The following SRP72 variants were observed in gnomAD, a reference collection of about 807,000 sequenced individuals.
SRP72 encodes the protein signal recognition particle subunit SRP72.
Under a neutral mutation model 96.3 loss-of-function variants are expected in SRP72, and 49 were observed. The ratio of observed to expected loss-of-function variants is 0.51; its 90% confidence interval spans 0.40 to 0.65. The LOEUF is 0.65. Among genes scored for constraint, SRP72 ranks in the 30% least tolerant of loss-of-function variants. The pLI, the probability that SRP72 is intolerant of heterozygous loss-of-function variation, is 0.00. For synonymous variants in SRP72, 267 were observed against 275.2 expected, an observed-to-expected ratio of 0.97 and a Z score of 0.30; for missense variants, 736 against 793.3, an observed-to-expected ratio of 0.93 and a Z score of 0.87.
intron 2 of SRP72, 137 bp from the exon 3 acceptor site, chr4:56,471,583 T>G: frequency 1.1e-6 from 1 of 925,810 alleles, no homozygotes; most frequent in African/African-American, 1.7e-5. Flanking sequence ...TATCTGATAT[T>G]TAGACAAGTC....
intron 16 of SRP72, among the ~76,000 whole-genome samples, chr4:56,492,537 TC>T (rs1306544541): frequency 6.6e-6 from 1 of 152,180 alleles, no homozygotes; most frequent in Admixed American, 6.5e-5. Context: ...TGCTACTTCC[TC>T]CTTTTTTGAA....
chr4:56,484,661 C>A, intron 9 of SRP72, 75 bp from the exon 10 acceptor site: 1 of 1,581,756 alleles, frequency 6.3e-7, no homozygotes, highest in Non-Finnish European at 8.6e-7. Context: ...TCCCATGTTT[C>A]TTTTCTTTCT....
intron 2 of SRP72, among the ~76,000 whole-genome samples, chr4:56,471,458 TTC>T (rs1365911594): frequency 2.0e-5 from 3 of 152,250 alleles, no homozygotes; most frequent in African/African-American, 7.2e-5. Flanking sequence ...AATGATTTCC[TTC>T]TTAAATGTTT....
intron 15 of SRP72, 82 bp from the exon 16 acceptor site, chr4:56,491,349 T>C (rs1720897645): frequency 1.3e-6 from 2 of 1,486,032 alleles, no homozygotes; most frequent in Non-Finnish European, 1.8e-6. Flanking sequence ...CCAGTGTCAA[T>C]AGATACATTG....
At chr4:56,474,511 A>T in intron 5 of SRP72, 120 bp downstream of exon 5, 1 of 849,456 alleles carries the variant, frequency 1.2e-6, no homozygotes, top group Admixed American at 2.9e-5. Flanking sequence ...TGCAGTGACA[A>T]TTTCTCCAAG....
At chr4:56,469,481 G>A (rs1299479243) in intron 1 of SRP72, among the ~76,000 whole-genome samples, 172 bp from the exon 2 acceptor site, 1 of 152,102 alleles carries the variant, frequency 6.6e-6, no homozygotes, top group African/African-American at 2.4e-5. Flanking sequence ...AAGATTAGTT[G>A]TTTTCTGGGT....
intron 3 of SRP72, 41 bp from the exon 4 acceptor site, chr4:56,474,013 C>A (rs567248151): frequency 6.3e-7 from 1 of 1,587,086 alleles, no homozygotes; most frequent in East Asian, 2.2e-5. Flanking sequence ...GACATAACAC[C>A]ATATTTGTCT....
chr4:56,469,867 T>C (rs1719897869), intron 2 of SRP72, 94 bp downstream of exon 2: 1 of 1,221,788 alleles, frequency 8.2e-7, no homozygotes, highest in Admixed American at 2.7e-5. Flanking sequence ...TTGCTGATTT[T>C]TTTTAACGTT....
At chr4:56,477,437 A>G (rs929831811) in intron 6 of SRP72, among the ~76,000 whole-genome samples, 1 of 150,420 alleles carries the variant, frequency 6.6e-6, no homozygotes, top group Non-Finnish European at 1.5e-5. Context: ...CCTGAGTAGC[A>G]CCACCATGCC....
chr4:56,489,667 G>A (rs1720839088), intron 13 of SRP72, among the ~76,000 whole-genome samples, 184 bp downstream of exon 13: 1 of 152,156 alleles, frequency 6.6e-6, no homozygotes, highest in African/African-American at 2.4e-5. Context: ...AATAAGCAAT[G>A]GCTGCAAAAT....
chr4:56,471,546 A>G (rs890919106), intron 2 of SRP72, among the ~76,000 whole-genome samples, 174 bp from the exon 3 acceptor site: 5 of 152,220 alleles, frequency 3.3e-5, no homozygotes, highest in African/African-American at 1.2e-4. Flanking sequence ...GCTTAATTAT[A>G]TGTTTGATTG....
At chr4:56,494,255 A>G (rs67721941) in intron 16 of SRP72, among the ~76,000 whole-genome samples, 17,427 of 152,188 alleles carry the variant, frequency 0.11, 1,262 homozygotes, top group Admixed American at 0.23. Flanking sequence ...GAGAACGTTC[A>G]CAATTGAATG....
At chr4:56,495,292 A>G (rs562741052) in intron 16 of SRP72, 65 bp from the exon 17 acceptor site, 4 of 1,123,984 alleles carry the variant, frequency 3.6e-6, no homozygotes, top group Non-Finnish European at 1.3e-6. Context: ...CTTATAGAGC[A>G]CTTACTTAAT....
rs576420032 is a variant in SRP72 at position 56,489,316 on chromosome 4, G to T, written c.1225-72G>T. The T allele has an allele frequency of 3.8e-6, 3 of 790,678 alleles. No homozygotes were observed. The African/African-American group carries it at 5.2e-5, about 14-fold the overall frequency. The allele number at this position is 790,678 out of a possible 1,614,324, so 49.0% of individuals were successfully genotyped here. A position where few individuals can be genotyped will look rare whatever the true frequency, so the allele number is the denominator to read the frequency against. On this transcript the variant is annotated intron_variant, in intron 12 of 18. Transcript: ENST00000642900. ...AGCCTTTATTTGCTATTTCTTCAGC[G>T]TTTTTTATTTTCAAAAGCGGTATTC... is the stretch of plus-strand genomic sequence containing the variant.
At position 56,467,734 on chromosome 4, in the gene SRP72, C is replaced by A; in HGVS notation, c.99C>A (p.Thr33=). 2.0e-6 allele frequency: 3 copies of A among 1,537,456 alleles called. No homozygotes were observed. Among genetic ancestry groups the A allele is most frequent in the South Asian group, 2.4e-5 (2 of 82,032 alleles). The change falls in exon 1 of 19, where the codon ACC becomes ACA. Residue 33 remains threonine, a synonymous_variant. Transcript: ENST00000642900. ...QNGDFTRALK[T]VNKILQINKD... ...GCGACTTCACGCGCGCTCTCAAGAC[C>A]GTCAATAAGAGTAAGTGTCGGGGTG... is the stretch of plus-strand genomic sequence containing the variant.
rs200214809 is a variant in SRP72 at position 56,469,664 on chromosome 4, A to G, written c.121A>G (p.Asn41Asp). 6.2e-7 allele frequency: 1 copy of G among 1,605,062 alleles called. No individual in the cohort carries two copies. Among genetic ancestry groups the G allele is most frequent in the Non-Finnish European group, 8.5e-7 (1 of 1,173,526 alleles). ...LKTVNKILQI[N>D]KDDVTALHCK... ...AAATTGTTCTCTAGTACTACAGATC[A>G]ACAAAGATGACGTAACTGCCCTGCA... The change falls in exon 2 of 19, where the codon AAC becomes GAC. Residue 41 changes from asparagine to aspartate, a missense_variant. Physicochemically the swap from Asn to Asp is conservative, Grantham distance 23. Transcript: ENST00000642900.
chr4:56,484,924 G>A (rs1720648641), intron 10 of SRP72, 60 bp downstream of exon 10: 2 of 1,574,986 alleles, frequency 1.3e-6, no homozygotes, highest in Non-Finnish European at 1.7e-6. Context: ...TTTTCATTGT[G>A]TTGTAATAAC....
chr4:56,501,616 G>A, intron 18 of SRP72, 68 bp from the exon 19 acceptor site: 1 of 1,398,792 alleles, frequency 7.1e-7, no homozygotes. Flanking sequence ...TAAAACCCAT[G>A]TACATACATT....
chr4:56,500,918 A>C (rs1721238729), intron 18 of SRP72, among the ~76,000 whole-genome samples: 1 of 152,122 alleles, frequency 6.6e-6, no homozygotes, highest in South Asian at 2.1e-4. Flanking sequence ...AAGTATTTAC[A>C]ATATAATCAA....
Sources: gnomAD v4.1 joint callset for allele counts (sites outside exome capture counted in the v4.1 genomes callset) on GRCh38, gnomAD v4.1.1 for gene constraint, MANE v1.5 for transcripts, NCBI Gene and HGNC (gene_info 2026-07-23, HGNC 2026-07-21) for gene names.